KCNB2: variants seen among roughly 807,000 people sequenced by gnomAD.
KCNB2 encodes delayed rectifier potassium channel protein.
Under a neutral mutation model 61.5 loss-of-function variants are expected in KCNB2, and 15 were observed. The observed-to-expected ratio is 0.24, with a 90% CI of 0.16 to 0.38. The LOEUF is 0.38. Ranked by LOEUF, KCNB2 falls within the 10% of genes least tolerant of loss-of-function variation. The pLI is 1.00. For synonymous variants in KCNB2, 457 were observed against 446.0 expected (o/e 1.02, Z -0.31); for missense variants, 828 against 1,125.2 (o/e 0.74, Z 3.78).
chr8:72,619,351 C>T (rs567545021), intron 2 of KCNB2: 1 of 572,134 alleles, frequency 1.7e-6, no homozygotes, highest in Non-Finnish European at 3.4e-6. Flanking sequence ...AGAGGCTTGG[C>T]TTCTGATTTA....
chr8:72,688,255 C>G (rs752923928), intron 2 of KCNB2, among the ~76,000 whole-genome samples: 6 of 152,148 alleles, frequency 3.9e-5, no homozygotes, highest in Admixed American at 6.5e-5. Flanking sequence ...TCCGAGAGCC[C>G]TTTTGAGCTC....
chr8:72,679,281 G>A (rs1806712858), intron 2 of KCNB2, among the ~76,000 whole-genome samples: 1 of 152,200 alleles, frequency 6.6e-6, no homozygotes, highest in African/African-American at 2.4e-5. Flanking sequence ...TATGGACAGT[G>A]TTCTTATGTT....
intron 2 of KCNB2, among the ~76,000 whole-genome samples, chr8:72,598,388 A>C (rs349360): frequency 0.74 from 100,393 of 135,856 alleles, 35,076 homozygotes; most frequent in East Asian, 0.87. Flanking sequence ...AGGCCTTTGA[A>C]AAAATTCAAC....
chr8:72,624,217 G>C (rs1805754458), intron 2 of KCNB2, among the ~76,000 whole-genome samples: 1 of 152,160 alleles, frequency 6.6e-6, no homozygotes, highest in African/African-American at 2.4e-5. Context: ...CCTCATGCAT[G>C]CTTGGCTTTC....
At position 72,725,591 on chromosome 8, in the gene KCNB2, GTATATATATA is replaced by G. The variant is rs60157669; in HGVS notation, c.579+157300_579+157309del. Among the ~76,000 whole-genome samples the G allele has an allele frequency of 2.7e-3, 142 of 51,942 alleles. 1 individual carries two copies. Among genetic ancestry groups the G allele is most frequent in the African/African-American group, 6.9e-3 (107 of 15,424 alleles). 34.1% of individuals were successfully genotyped at this position (51,942 alleles called of 152,430 possible). A position where few individuals can be genotyped will look rare whatever the true frequency, so the allele number is the denominator to read the frequency against. ...TATATATATGTATATATATATGTAT[GTATATATATA>G]TATATATATATATATATATATGCAT... is the stretch of plus-strand genomic sequence containing the variant. On this transcript the variant is annotated intron_variant, in intron 2 of 2. Transcript: ENST00000523207.
intron 2 of KCNB2, among the ~76,000 whole-genome samples, chr8:72,712,569 G>A (rs985570523): frequency 3.3e-5 from 5 of 152,176 alleles, no homozygotes; most frequent in Admixed American, 2.0e-4. Context: ...AGTGGTCCAA[G>A]CTTTACATGT....
intron 2 of KCNB2, among the ~76,000 whole-genome samples, chr8:72,903,267 TG>T (rs1441328700): frequency 6.6e-6 from 1 of 152,072 alleles, no homozygotes; most frequent in Non-Finnish European, 1.5e-5. Context: ...AGCCTGATAC[TG>T]GGTGTGTTGA....
intron 2 of KCNB2, among the ~76,000 whole-genome samples, chr8:72,928,191 CTTTTTTT>C (rs879676235): frequency 7.4e-6 from 1 of 134,908 alleles, no homozygotes; most frequent in Non-Finnish European, 1.6e-5. Flanking sequence ...CACTTTCTTT[CTTTTTTT>C]TTTTTTTTTT....
chr8:72,665,274 T>C (rs1806449205), intron 2 of KCNB2, among the ~76,000 whole-genome samples: 1 of 152,058 alleles, frequency 6.6e-6, no homozygotes, highest in African/African-American at 2.4e-5. Context: ...GAGAGGTCAA[T>C]GGATACTGGT....
At chr8:72,912,017 A>T (rs1585970622) in intron 2 of KCNB2, among the ~76,000 whole-genome samples, 1 of 152,250 alleles carries the variant, frequency 6.6e-6, no homozygotes, top group Middle Eastern at 3.4e-3. Context: ...TGAGCTGATT[A>T]ATTTAAGTGT....
At chr8:72,756,244 C>T (rs1471483353) in intron 2 of KCNB2, among the ~76,000 whole-genome samples, 2 of 152,200 alleles carry the variant, frequency 1.3e-5, no homozygotes, top group African/African-American at 2.4e-5. Flanking sequence ...CAGTGGCTCC[C>T]TCTCACTTCC....
intron 2 of KCNB2, among the ~76,000 whole-genome samples, chr8:72,701,009 G>A (rs1807114747): frequency 1.3e-5 from 2 of 152,128 alleles, no homozygotes; most frequent in Non-Finnish European, 2.9e-5. Flanking sequence ...TCACTGATAA[G>A]TGGGAGTTAA....
chr8:72,923,934 C>T (rs983770204), intron 2 of KCNB2, among the ~76,000 whole-genome samples: 10 of 152,114 alleles, frequency 6.6e-5, no homozygotes, highest in Non-Finnish European at 1.5e-4. Context: ...TCTTCACATG[C>T]ATTATATCAT....
intron 2 of KCNB2, among the ~76,000 whole-genome samples, chr8:72,677,912 A>T (rs1563556843): frequency 1.3e-5 from 2 of 152,170 alleles, no homozygotes; most frequent in African/African-American, 4.8e-5. Context: ...ATAAAATACC[A>T]CTATACCAAG....
intron 2 of KCNB2, among the ~76,000 whole-genome samples, chr8:72,738,600 T>A (rs912671507): frequency 1.3e-5 from 2 of 152,180 alleles, no homozygotes; most frequent in Non-Finnish European, 2.9e-5. Context: ...GGGAGCCACA[T>A]AAAGCCCTTG....
At chr8:72,713,503 A>G (rs1271997478) in intron 2 of KCNB2, among the ~76,000 whole-genome samples, 1 of 152,212 alleles carries the variant, frequency 6.6e-6, no homozygotes, top group Non-Finnish European at 1.5e-5. Context: ...GCGGTTCACC[A>G]ATATCCACTG....
Position 72,937,298 on chromosome 8 carries a change from G to A in KCNB2, c.1943G>A (p.Gly648Asp), listed in dbSNP as rs769931537. The A allele has an allele frequency of 1.9e-6, 3 of 1,613,874 alleles. No individual in the cohort carries two copies. The highest frequency in any genetic ancestry group is 2.5e-6 in the Non-Finnish European group (3 of 1,179,992). Residue 648 changes from glycine to aspartate, a missense_variant, in exon 3 of 3, where the codon GGC becomes GAC. This residue lies in a region of KCNB2 where 559 missense variants were observed against 588.4 expected (regional missense o/e 0.95). Transcript: ENST00000523207. Reference protein sequence around the residue: ...PGTEEHQRARGPPFLTLSREK... With the variant: ...PGTEEHQRARDPPFLTLSREK... ...ACAGAAGAGCACCAAAGAGCTAGGG[G>A]CCCCCCGTTTCTAACTCTATCCAGA...
At chr8:72,578,506 A>G (rs544168494) in intron 2 of KCNB2, among the ~76,000 whole-genome samples, 1 of 152,348 alleles carries the variant, frequency 6.6e-6, no homozygotes, top group Admixed American at 6.5e-5. Flanking sequence ...AAGTAATTGC[A>G]TTATGAGTAA....
intron 2 of KCNB2, among the ~76,000 whole-genome samples, chr8:72,577,690 G>C (rs919960822): frequency 2.6e-5 from 4 of 152,100 alleles, no homozygotes; most frequent in African/African-American, 9.7e-5. Context: ...CCCAAGTGTT[G>C]GATGCCACTT....
Sources: gnomAD v4.1 joint callset for allele counts (sites outside exome capture counted in the v4.1 genomes callset) on GRCh38, gnomAD v4.1.1 for gene constraint, gnomAD v4.1.1 regional missense constraint, MANE v1.5 for transcripts, NCBI Gene and HGNC (gene_info 2026-07-23, HGNC 2026-07-21) for gene names.